Variants in FNBP1 observed in about 807,000 individuals in gnomAD.
FNBP1 encodes the protein formin-binding protein 1.
Under a neutral mutation model 90.6 loss-of-function variants are expected in FNBP1, and 26 were observed. The ratio of observed to expected loss-of-function variants is 0.29; its 90% CI spans 0.21 to 0.40. FNBP1 has a LOEUF of 0.40. Among genes scored for constraint, FNBP1 ranks in the 10% least tolerant of loss-of-function variants. The probability of loss-of-function intolerance (pLI) is 1.00; values close to 1 mark genes in which losing one functional copy is unlikely to be tolerated. For synonymous variants in FNBP1, 260 were observed against 265.2 expected, an observed-to-expected ratio of 0.98 and a Z score of 0.19; for missense variants, 635 against 768.0, an observed-to-expected ratio of 0.83 and a Z score of 2.05.
intron 15 of FNBP1, among the ~76,000 whole-genome samples, chr9:129,898,796 C>T (rs1235049428): frequency 3.3e-5 from 5 of 152,020 alleles, no homozygotes; most frequent in African/African-American, 1.2e-4. Context: ...CCGCTGCTTG[C>T]TCCTTAAGTG....
At chr9:129,996,830 ACTATT>A (rs2054076055) in intron 1 of FNBP1, among the ~76,000 whole-genome samples, 2 of 152,044 alleles carry the variant, frequency 1.3e-5, no homozygotes, top group South Asian at 4.1e-4. Context: ...AGTAACTGGG[ACTATT>A]GGCACCCGCC....
chr9:129,950,589 A>G (rs1367345632), intron 6 of FNBP1, among the ~76,000 whole-genome samples: 2 of 152,220 alleles, frequency 1.3e-5, no homozygotes, highest in African/African-American at 2.4e-5. Flanking sequence ...ACAAACAGCC[A>G]GAACTCAGAG....
At chr9:129,905,294 G>GTATATATA (rs56217495) in intron 12 of FNBP1, among the ~76,000 whole-genome samples, 2,887 of 132,266 alleles carry the variant, frequency 0.022, 50 homozygotes, top group Middle Eastern at 0.046. Flanking sequence ...GTGTGTGTGT[G>GTATATATA]TATATATATA....
intron 6 of FNBP1, among the ~76,000 whole-genome samples, chr9:129,942,679 T>C (rs1453524864): frequency 6.6e-6 from 1 of 152,162 alleles, no homozygotes; most frequent in East Asian, 1.9e-4. Flanking sequence ...TAATTTCACA[T>C]TTTATAGGTT....
At chr9:129,953,426 G>A (rs138109718) in intron 6 of FNBP1, among the ~76,000 whole-genome samples, 52 of 152,054 alleles carry the variant, frequency 3.4e-4, no homozygotes, top group African/African-American at 1.1e-3. Context: ...GGAGGCAGAG[G>A]TTGCAATGAG....
At chr9:130,047,617 A>T (rs184465518), upstream of FNBP1, among the ~76,000 whole-genome samples, 332 of 148,338 alleles carry the variant, frequency 2.2e-3, 1 homozygote, top group African/African-American at 7.8e-3. Flanking sequence ...CATCTCGAAA[A>T]CAAAAAGAAA....
chr9:130,032,181 TTC>T (rs200247667), intron 1 of FNBP1, among the ~76,000 whole-genome samples: 4,450 of 151,712 alleles, frequency 0.029, 80 homozygotes, highest in Non-Finnish European at 0.043. Flanking sequence ...TTTTTTTTTT[TTC>T]CCAGACAAGG....
intron 1 of FNBP1, among the ~76,000 whole-genome samples, chr9:130,020,405 TC>T (rs2057707079): frequency 6.6e-6 from 1 of 152,160 alleles, no homozygotes; most frequent in Admixed American, 6.6e-5. Context: ...AGACAGGGTT[TC>T]ACCATGTTGG....
upstream of FNBP1, among the ~76,000 whole-genome samples, chr9:130,043,361 G>C (rs1302285486): frequency 1.3e-5 from 2 of 152,066 alleles, no homozygotes; most frequent in Non-Finnish European, 2.9e-5. Flanking sequence ...GGAAGGACGC[G>C]GAGGGAGGTG....
intron 4 of FNBP1, among the ~76,000 whole-genome samples, chr9:129,972,698 G>A (rs1458053736): frequency 8.6e-5 from 13 of 152,024 alleles, no homozygotes; most frequent in Admixed American, 8.5e-4. Context: ...TGCCTGGATA[G>A]TTTTTGTATT....
At chr9:130,050,648 CT>C in the FNBP1 span, among the ~76,000 whole-genome samples, 4 of 141,678 alleles carry the variant, frequency 2.8e-5, no homozygotes, top group African/African-American at 1.0e-4. Flanking sequence ...TCAATCAACT[CT>C]TTTTTTTTTT....
intron 15 of FNBP1, among the ~76,000 whole-genome samples, chr9:129,897,995 G>C (rs529646596): frequency 4.6e-5 from 7 of 151,976 alleles, no homozygotes; most frequent in African/African-American, 9.6e-5. Context: ...ACGCCTCACT[G>C]ATTTTTGTAT....
intron 6 of FNBP1, among the ~76,000 whole-genome samples, chr9:129,951,252 C>T (rs1455959864): frequency 1.3e-5 from 2 of 151,748 alleles, no homozygotes; most frequent in African/African-American, 2.4e-5. Context: ...CCACCATGCC[C>T]GGTCTAATTT....
intron 11 of FNBP1, among the ~76,000 whole-genome samples, chr9:129,913,866 G>T (rs2039789007): frequency 7.5e-6 from 1 of 133,744 alleles, no homozygotes; most frequent in Admixed American, 8.3e-5. Context: ...TCAGATTTTG[G>T]GTTTTTTGTT....
At chr9:130,006,795 C>T (rs1463596661) in intron 1 of FNBP1, among the ~76,000 whole-genome samples, 1 of 152,164 alleles carries the variant, frequency 6.6e-6, no homozygotes, top group East Asian at 1.9e-4. Flanking sequence ...AATGAAAACA[C>T]TACGTTCATG....
intron 1 of FNBP1, among the ~76,000 whole-genome samples, chr9:130,007,254 A>G (rs1483376671): frequency 2.0e-5 from 3 of 150,676 alleles, no homozygotes; most frequent in African/African-American, 2.4e-5. Flanking sequence ...AAAAAAAAAA[A>G]AAAGAAAAAA....
chr9:129,984,733 G>C (rs1308445019), intron 2 of FNBP1, among the ~76,000 whole-genome samples: 1 of 150,596 alleles, frequency 6.6e-6, no homozygotes, highest in Non-Finnish European at 1.5e-5. Flanking sequence ...ATTGAATCAT[G>C]GGGGGGGCCG....
In FNBP1 at chr9:129,900,378, A is replaced by G; in HGVS notation, c.1550+48T>C. The G allele has an allele frequency of 6.8e-7, 1 of 1,472,026 alleles. No individual in the cohort carries two copies. Among genetic ancestry groups the G allele is most frequent in the Non-Finnish European group, 9.0e-7 (1 of 1,110,094 alleles). The allele number at this position is 1,472,026 out of a possible 1,614,324, so 91.2% of individuals were successfully genotyped here. On this transcript the variant is annotated intron_variant, in intron 14 of 16. Transcript: ENST00000446176. This position sits in a 1 kb window ranked among gnomAD's most constrained non-coding sequence, Gnocchi z 4.1. Reference sequence around the variant, plus strand: ...TTCCAAAATTTAGAAATAAATACAAAGCCAACAGGCTCCCTTGCCAGAGGC... The same window carrying G: ...TTCCAAAATTTAGAAATAAATACAAGGCCAACAGGCTCCCTTGCCAGAGGC...
chr9:129,993,328 C>G (rs1042934594), intron 2 of FNBP1, among the ~76,000 whole-genome samples: 2 of 151,830 alleles, frequency 1.3e-5, no homozygotes, highest in African/African-American at 4.8e-5. Flanking sequence ...ACCAATTCAA[C>G]TACAACTATA....
Sources: gnomAD v4.1 joint callset for allele counts (sites outside exome capture counted in the v4.1 genomes callset) on GRCh38, gnomAD v4.1.1 for gene constraint, Gnocchi (gnomAD v3.1) non-coding constraint, MANE v1.5 for transcripts, NCBI Gene and HGNC (gene_info 2026-07-23, HGNC 2026-07-21) for gene names.